Variants in SLC44A5 observed in about 807,000 individuals in gnomAD.
SLC44A5 encodes the protein choline transporter-like protein 5.
Under a neutral mutation model 101.8 loss-of-function variants are expected in SLC44A5, and 57 were observed. The ratio of observed to expected loss-of-function variants is 0.56; its 90% CI spans 0.45 to 0.70. The LOEUF (loss-of-function observed/expected upper bound fraction) is 0.70, where lower values mean the gene tolerates loss of function less well. SLC44A5 is among the 30% of genes least tolerant of loss of function. The pLI, the probability that SLC44A5 is intolerant of heterozygous loss-of-function variation, is 0.00. For synonymous variants in SLC44A5, 281 were observed against 290.9 expected (o/e 0.97, Z 0.35); for missense variants, 737 against 853.1 (o/e 0.86, Z 1.70).
intron 2 of SLC44A5, among the ~76,000 whole-genome samples, chr1:75,522,843 T>C (rs1325585248): frequency 6.6e-6 from 1 of 152,204 alleles, no homozygotes; most frequent in Non-Finnish European, 1.5e-5. Flanking sequence ...TCCTGTTCTT[T>C]TCTTCTAAGT....
chr1:75,553,944 A>C (rs1306023632), intron 1 of SLC44A5, among the ~76,000 whole-genome samples: 1 of 152,118 alleles, frequency 6.6e-6, no homozygotes, highest in Non-Finnish European at 1.5e-5. Flanking sequence ...AGCCTGAAGC[A>C]GGGCACTGTC....
chr1:75,256,858 A>T (rs1650062246), intron 6 of SLC44A5, among the ~76,000 whole-genome samples: 1 of 152,184 alleles, frequency 6.6e-6, no homozygotes, highest in Admixed American at 6.5e-5. Flanking sequence ...AAAAGTAGTA[A>T]TTTAACTACC....
At chr1:75,599,243 A>G (rs1420093655) in intron 1 of SLC44A5, among the ~76,000 whole-genome samples, 1 of 152,154 alleles carries the variant, frequency 6.6e-6, no homozygotes, top group Non-Finnish European at 1.5e-5. Context: ...AGGGACAAAA[A>G]GATTGGGAGC....
At chr1:75,607,892 C>T (rs946840576) in intron 1 of SLC44A5, among the ~76,000 whole-genome samples, 1 of 151,972 alleles carries the variant, frequency 6.6e-6, no homozygotes, top group African/African-American at 2.4e-5. Flanking sequence ...TCATTAGCAG[C>T]ATGAAAACAA....
chr1:75,396,335 G>T (rs181335601), intron 3 of SLC44A5, among the ~76,000 whole-genome samples: 2 of 152,238 alleles, frequency 1.3e-5, no homozygotes, highest in East Asian at 1.9e-4. Flanking sequence ...GTGAGCTGGG[G>T]TGATAAAGCA....
intron 2 of SLC44A5, among the ~76,000 whole-genome samples, chr1:75,540,513 C>T (rs1181457275): frequency 6.6e-6 from 1 of 152,180 alleles, no homozygotes; most frequent in African/African-American, 2.4e-5. Context: ...GTATTTGCAG[C>T]CTTGAGGAAC....
At chr1:75,697,944 C>A in the SLC44A5 span, among the ~76,000 whole-genome samples, 1 of 152,216 alleles carries the variant, frequency 6.6e-6, no homozygotes, top group African/African-American at 2.4e-5. Context: ...GCTTTTCCAA[C>A]GGGCTTAAAA....
chr1:75,249,429 A>T (rs549995726), intron 7 of SLC44A5, among the ~76,000 whole-genome samples: 10 of 152,244 alleles, frequency 6.6e-5, no homozygotes, highest in African/African-American at 2.2e-4. Flanking sequence ...GTGAGCTTCA[A>T]AGCAATATGG....
chr1:75,453,047 T>C (rs1665994087), intron 2 of SLC44A5, among the ~76,000 whole-genome samples: 1 of 152,086 alleles, frequency 6.6e-6, no homozygotes, highest in South Asian at 2.1e-4. Context: ...GACCTAATAG[T>C]CATCTACAGA....
At chr1:75,516,511 C>T (rs999651186) in intron 2 of SLC44A5, among the ~76,000 whole-genome samples, 1 of 151,764 alleles carries the variant, frequency 6.6e-6, no homozygotes. Context: ...AGCAAGATTC[C>T]GTCTTACTAA....
chr1:75,327,006 A>G (rs891166930), intron 4 of SLC44A5, among the ~76,000 whole-genome samples: 1 of 152,120 alleles, frequency 6.6e-6, no homozygotes, highest in Admixed American at 6.6e-5. Flanking sequence ...ATGTAAATCA[A>G]CTATGGTATG....
chr1:75,498,651 A>G (rs1488515405), intron 2 of SLC44A5, among the ~76,000 whole-genome samples: 1 of 152,172 alleles, frequency 6.6e-6, no homozygotes, highest in African/African-American at 2.4e-5. Flanking sequence ...CTTTCTCACT[A>G]AAGTCAGACA....
At chr1:75,536,325 C>T (rs575500458) in intron 2 of SLC44A5, among the ~76,000 whole-genome samples, 16 of 151,496 alleles carry the variant, frequency 1.1e-4, no homozygotes, top group African/African-American at 3.1e-4. Flanking sequence ...CCCGGCCAGA[C>T]GCGGTGGCTC....
rs185629801 is a variant in SLC44A5, at chr1:75,510,846, T to A, written c.13+30589A>T. Among the ~76,000 whole-genome samples the A allele has an allele frequency of 8.3e-3, 1,259 of 152,168 alleles. 8 individuals are homozygous for A. The highest frequency in any genetic ancestry group is 0.015 in the South Asian group (73 of 4,824). ...GATCAACAACAACAACAAAAATAGT[T>A]AAAGAAAAATGGTAGGCCGGGCGCT... On this transcript the variant is annotated intron_variant, in intron 2 of 23. Coordinates refer to ENST00000370859, the MANE Select transcript of SLC44A5 (RefSeq NM_001130058.2).
chr1:75,543,441 T>C (rs1409799142), intron 1 of SLC44A5, among the ~76,000 whole-genome samples: 3 of 151,880 alleles, frequency 2.0e-5, no homozygotes, highest in Admixed American at 6.6e-5. Flanking sequence ...TCTGCTAACT[T>C]TTTCTCCATG....
chr1:75,421,003 G>T (rs1045068489), intron 2 of SLC44A5, among the ~76,000 whole-genome samples: 1 of 151,980 alleles, frequency 6.6e-6, no homozygotes, highest in African/African-American at 2.4e-5. Context: ...TAGACACCTA[G>T]GAAATAATCT....
chr1:75,226,669 C>T (rs546514504), intron 13 of SLC44A5, among the ~76,000 whole-genome samples: 14 of 152,034 alleles, frequency 9.2e-5, no homozygotes, highest in African/African-American at 2.7e-4. Flanking sequence ...GGGCTTCTTA[C>T]CAGGCTTCCT....
chr1:75,710,562 T>TAAAAAAAAAAA, the SLC44A5 span: 2 of 52,306 alleles, frequency 3.8e-5, no homozygotes, highest in Non-Finnish European at 6.2e-5. Context: ...AGACCCTACC[T>TAAAAAAAAAAA]AAAAAAAAAA....
chr1:75,206,770 A>G (rs1157098823), intron 23 of SLC44A5: 1 of 1,038,606 alleles, frequency 9.6e-7, no homozygotes, highest in Admixed American at 2.1e-5. Context: ...CAGAACAATT[A>G]TACACATTTT....
Sources: allele counts gnomAD v4.1 joint callset (sites outside exome capture counted in the v4.1 genomes callset), GRCh38; gene constraint gnomAD v4.1.1; transcripts MANE v1.5; gene names NCBI Gene and HGNC (gene_info 2026-07-23, HGNC 2026-07-21).